PIP5K1A: variants seen among roughly 807,000 people sequenced by gnomAD.
PIP5K1A encodes phosphatidylinositol-4-phosphate 5-kinase type 1 alpha.
A neutral mutation model predicts 72.9 loss-of-function variants in PIP5K1A; 46 were observed. The ratio of observed to expected loss-of-function variants is 0.63; its 90% CI spans 0.50 to 0.81. The LOEUF is 0.81. PIP5K1A is among the 30% of genes least tolerant of loss of function. PIP5K1A has a pLI of 0.00. For synonymous variants in PIP5K1A, 228 were observed against 255.1 expected (o/e 0.89, Z 1.01); for missense variants, 458 against 706.1 (o/e 0.65, Z 3.98).
chr1:151,222,251 C>T (rs1459131234), intron 1 of PIP5K1A, among the ~76,000 whole-genome samples: 1 of 152,166 alleles, frequency 6.6e-6, no homozygotes, highest in African/African-American at 2.4e-5. Context: ...CTCTCTTTGT[C>T]ACTTGGTCTG....
At position 151,245,136 on chromosome 1, in the gene PIP5K1A, A is replaced by G. The variant is rs587770350; in HGVS notation, c.1641-1784A>G. ...GCATTTTTGTTTAATAGTCCTTCCC[A>G]TAATTTCTTTATCTTCTCCTATATT... is the stretch of plus-strand genomic sequence containing the variant. On this transcript the variant is annotated intron_variant, in intron 14 of 15. Transcript: ENST00000368888. 3.3e-5 allele frequency among the ~76,000 whole-genome samples: 5 copies of G among 152,276 alleles called. No individual in the cohort carries two copies. In the South Asian group the frequency reaches 6.2e-4, roughly 19 times the overall value.
At chr1:151,230,947 G>A (rs1689954253) in intron 4 of PIP5K1A, among the ~76,000 whole-genome samples, 1 of 152,206 alleles carries the variant, frequency 6.6e-6, no homozygotes, top group South Asian at 2.1e-4. Flanking sequence ...TTAGGGCTGG[G>A]CATGGTGGCT....
At chr1:151,229,167 CAAAAAAAAAAAAAA>C (rs34356281) in intron 4 of PIP5K1A, among the ~76,000 whole-genome samples, 3 of 41,364 alleles carry the variant, frequency 7.3e-5, no homozygotes, top group Non-Finnish European at 8.4e-5. Flanking sequence ...GACCCCGTCT[CAAAAAAAAAAAAAA>C]AAAAAAAAAA....
At chr1:151,239,923 C>CTTT (rs1553302868) in intron 11 of PIP5K1A, 32 bp from the exon 12 acceptor site, 8 of 1,533,610 alleles carry the variant, frequency 5.2e-6, no homozygotes, top group Non-Finnish European at 7.2e-6. Flanking sequence ...TGCCGGGCCT[C>CTTT]CTAACTCTAT....
In PIP5K1A at chr1:151,229,294, C is replaced by T. The variant is rs182789487; in HGVS notation, c.237+1894C>T. On this transcript the variant is annotated intron_variant, in intron 4 of 15. Coordinates refer to ENST00000368888, the MANE Select transcript of PIP5K1A (RefSeq NM_001135638.2). ...CCTTGAACTCCTGGGCTCAAGCCAT[C>T]CTCCTACCTCAGCCTCCAAAGTAAC... Among the ~76,000 whole-genome samples the T allele has an allele frequency of 1.3e-3, 199 of 151,484 alleles. 2 individuals are homozygous for T. Among genetic ancestry groups the T allele is most frequent in the African/African-American group, 4.6e-3 (192 of 41,348 alleles).
At chr1:151,230,194 G>A (rs1404563772) in intron 4 of PIP5K1A, among the ~76,000 whole-genome samples, 1 of 152,244 alleles carries the variant, frequency 6.6e-6, no homozygotes, top group Non-Finnish European at 1.5e-5. Context: ...ATGGAGCAAA[G>A]CTATCTAATC....
chr1:151,241,800 C>CAA (rs201895156), intron 12 of PIP5K1A, among the ~76,000 whole-genome samples: 4 of 60,170 alleles, frequency 6.6e-5, no homozygotes, highest in Non-Finnish European at 7.1e-5. Context: ...AACTCCATCT[C>CAA]AAAAAAAAAA....
intron 3 of PIP5K1A, 131 bp downstream of exon 3, chr1:151,224,537 G>A: frequency 1.4e-6 from 1 of 707,710 alleles, no homozygotes. Context: ...GTACCTAAGT[G>A]CCCTTTAAGA....
In PIP5K1A at chr1:151,239,125, T is replaced by G; in HGVS notation, c.1230-5T>G. On this transcript the variant is annotated splice_polypyrimidine_tract_variant and splice_region_variant and intron_variant, in intron 10 of 15. Transcript: ENST00000368888. ...GTGAGTAGGTGATGTACATTTTTCT[T>G]GCAGGTTTGTTAAGAAGTTGGAGCA... 6.2e-7 allele frequency: 1 copy of G among 1,607,858 alleles called. No individual in the cohort carries two copies. Among genetic ancestry groups the G allele is most frequent in the Non-Finnish European group, 8.5e-7 (1 of 1,174,540 alleles).
intron 1 of PIP5K1A, among the ~76,000 whole-genome samples, chr1:151,205,297 T>C (rs1685773610): frequency 1.3e-5 from 2 of 152,134 alleles, no homozygotes; most frequent in South Asian, 4.1e-4. Flanking sequence ...TGCCTCAGCC[T>C]CCTAGGTCAC....
chr1:151,216,323 T>C (rs1570821841), intron 1 of PIP5K1A, among the ~76,000 whole-genome samples: 1 of 138,536 alleles, frequency 7.2e-6, no homozygotes, highest in South Asian at 2.2e-4. Context: ...CACTCCAGCC[T>C]GGGCAACAGA....
In PIP5K1A at chr1:151,221,924, C is replaced by T. The variant is rs143994251; in HGVS notation, c.86-2321C>T. On this transcript the variant is annotated intron_variant, in intron 1 of 15. Transcript: ENST00000368888. ...TCATATCTACAAAAAAGAATAATAG[C>T]AAAAAAAGCAAAATCAGCTGGGCAT... Among the ~76,000 whole-genome samples, 680 of 151,622 alleles carry T rather than the reference C, an allele frequency of 4.5e-3. 5 individuals carry two copies. Among genetic ancestry groups the T allele is most frequent in the African/African-American group, 0.016 (645 of 41,298 alleles).
intron 14 of PIP5K1A, among the ~76,000 whole-genome samples, chr1:151,243,433 A>G (rs1359600173): frequency 6.6e-6 from 1 of 152,218 alleles, no homozygotes; most frequent in East Asian, 1.9e-4. Flanking sequence ...CTAGCATACA[A>G]TGGTGAGACA....
At chr1:151,227,245 G>A (rs1689286262) in intron 3 of PIP5K1A, 75 bp from the exon 4 acceptor site, 1 of 833,696 alleles carries the variant, frequency 1.2e-6, no homozygotes, top group African/African-American at 1.7e-5. Flanking sequence ...AGTTTATTTT[G>A]TTTTGATGTA....
intron 14 of PIP5K1A, 106 bp downstream of exon 14, chr1:151,242,673 G>A (rs960969081): frequency 9.9e-7 from 1 of 1,007,378 alleles, no homozygotes; most frequent in African/African-American, 1.6e-5. Flanking sequence ...AAAGATTAGT[G>A]GCTTAAAATA....
chr1:151,208,713 G>C (rs1457859958), intron 1 of PIP5K1A, among the ~76,000 whole-genome samples: 1 of 126,482 alleles, frequency 7.9e-6, no homozygotes, highest in African/African-American at 2.9e-5. Flanking sequence ...ATGTTGTAAT[G>C]GTACGCTTTT....
At chr1:151,223,412 G>A (rs1471164600) in intron 1 of PIP5K1A, among the ~76,000 whole-genome samples, 3 of 151,090 alleles carry the variant, frequency 2.0e-5, no homozygotes, top group South Asian at 2.1e-4. Context: ...TTGGGAGGCC[G>A]AGGCAGGCGG....
chr1:151,216,536 CAG>C lies in PIP5K1A; in HGVS notation c.86-7708_86-7707del, dbSNP rs1319810787. Among the ~76,000 whole-genome samples the C allele has an allele frequency of 2.6e-5, 4 of 152,074 alleles. No individual in the cohort carries two copies. In the East Asian group the frequency reaches 7.7e-4, roughly 29 times the overall value. On this transcript the variant is annotated intron_variant, in intron 1 of 15. Transcript: ENST00000368888. Reference sequence around the variant, plus strand: ...CAGAATTCTTCAGTATATTATGAATCAGTGACTACCTTTTCTCTCCCTTGAAA... The same window carrying C: ...CAGAATTCTTCAGTATATTATGAATCTGACTACCTTTTCTCTCCCTTGAAA...
At chr1:151,231,318 TAGG>T (rs1212464614) in intron 4 of PIP5K1A, among the ~76,000 whole-genome samples, 1 of 152,102 alleles carries the variant, frequency 6.6e-6, no homozygotes, top group Admixed American at 6.6e-5. Context: ...GCAGAAACCT[TAGG>T]AGTGAGAACT....
Sources: gnomAD v4.1 joint callset for allele counts (sites outside exome capture counted in the v4.1 genomes callset) on GRCh38, gnomAD v4.1.1 for gene constraint, MANE v1.5 for transcripts, NCBI Gene and HGNC (gene_info 2026-07-23, HGNC 2026-07-21) for gene names.